Variants in SLIT3 observed in about 807,000 individuals in gnomAD.
The protein encoded by SLIT3 is slit homolog 3 protein.
Under a neutral mutation model 184.0 loss-of-function variants are expected in SLIT3, and 68 were observed. The ratio of observed to expected loss-of-function variants is 0.37; its 90% CI spans 0.30 to 0.45. The LOEUF (loss-of-function observed/expected upper bound fraction) is 0.45, where lower values mean the gene tolerates loss of function less well. SLIT3 is among the 20% of genes least tolerant of loss of function. The probability of loss-of-function intolerance (pLI) is 1.00; values close to 1 mark genes in which losing one functional copy is unlikely to be tolerated. For missense variants in SLIT3, 1,707 were observed against 2,026.0 expected (o/e 0.84, Z 3.02); for synonymous variants, 831 against 828.6 (o/e 1.00, Z -0.05).
chr5:169,167,550 A>C (rs1440745107), intron 4 of SLIT3, among the ~76,000 whole-genome samples: 1 of 151,986 alleles, frequency 6.6e-6, no homozygotes, highest in Non-Finnish European at 1.5e-5. Context: ...TGCTGGGATT[A>C]CAGGCTTGAG....
chr5:169,138,008 T>C (rs138589740), intron 4 of SLIT3, among the ~76,000 whole-genome samples: 6 of 152,188 alleles, frequency 3.9e-5, no homozygotes, highest in African/African-American at 1.4e-4. Flanking sequence ...CCAAAAACTA[T>C]CAAGATAGAT....
At chr5:168,739,599 C>T (rs566196269) in intron 20 of SLIT3, among the ~76,000 whole-genome samples, 108 of 151,802 alleles carry the variant, frequency 7.1e-4, no homozygotes, top group Non-Finnish European at 1.2e-3. Context: ...GGATTACAGG[C>T]GCCCACAACC....
At chr5:168,729,569 A>G (rs1364505357) in intron 20 of SLIT3, among the ~76,000 whole-genome samples, 2 of 152,066 alleles carry the variant, frequency 1.3e-5, no homozygotes, top group African/African-American at 4.8e-5. Context: ...ATTAAGGATA[A>G]AGTCCTTCCC....
intron 4 of SLIT3, among the ~76,000 whole-genome samples, chr5:169,027,808 T>C (rs1756884404): frequency 6.6e-6 from 1 of 152,198 alleles, no homozygotes. Flanking sequence ...TTAAACAGTT[T>C]GACTCCAAAC....
rs1436038811 is a variant in SLIT3 at position 169,213,751 on chromosome 5, AC to A, written c.342-20202del. On this transcript the variant is annotated intron_variant, in intron 3 of 35. Coordinates refer to ENST00000519560, the MANE Select transcript of SLIT3 (RefSeq NM_003062.4). ...GAATATAAATTCCATGTGGGTAAAAACTTTTTTCTCTTCCTACTATATCCCC... is the reference window on the plus strand; with the variant it reads ...GAATATAAATTCCATGTGGGTAAAAATTTTTTCTCTTCCTACTATATCCCC... Among the ~76,000 whole-genome samples the A allele has an allele frequency of 9.8e-5, 15 of 152,310 alleles. No individual in the cohort carries two copies. In the East Asian group the frequency reaches 2.7e-3, roughly 27 times the overall value.
intron 14 of SLIT3, among the ~76,000 whole-genome samples, chr5:168,767,466 C>T (rs1755386863): frequency 6.6e-6 from 1 of 152,172 alleles, no homozygotes; most frequent in South Asian, 2.1e-4. Context: ...ACACACACTC[C>T]CCTCCCCTGA....
intron 4 of SLIT3, among the ~76,000 whole-genome samples, chr5:168,952,640 A>C (rs567305727): frequency 5.8e-4 from 87 of 149,416 alleles, no homozygotes; most frequent in African/African-American, 2.2e-3. Context: ...AGAAGAAAGA[A>C]AGGGCAAGGG....
At chr5:168,842,452 C>T (rs1758292164) in intron 6 of SLIT3, among the ~76,000 whole-genome samples, 2 of 131,486 alleles carry the variant, frequency 1.5e-5, no homozygotes, top group African/African-American at 6.9e-5. Flanking sequence ...CCTGGTGCAT[C>T]TGGATACCGT....
At chr5:169,005,760 C>T (rs1388476738) in intron 4 of SLIT3, among the ~76,000 whole-genome samples, 1 of 152,216 alleles carries the variant, frequency 6.6e-6, no homozygotes, top group Non-Finnish European at 1.5e-5. Flanking sequence ...GCAGGGCAGA[C>T]ATCATACTTG....
chr5:169,041,013 T>A (rs569032911), intron 4 of SLIT3, among the ~76,000 whole-genome samples: 6 of 152,350 alleles, frequency 3.9e-5, no homozygotes, highest in African/African-American at 1.4e-4. Flanking sequence ...TGCAAAAATG[T>A]TCAGCTACCC....
intron 4 of SLIT3, among the ~76,000 whole-genome samples, chr5:169,017,337 G>A (rs80097371): frequency 2.7e-3 from 404 of 152,190 alleles, no homozygotes; most frequent in African/African-American, 9.1e-3. Flanking sequence ...CATCCCCTTC[G>A]ACTCCTTCCC....
At chr5:168,731,655 C>G (rs181873943) in intron 20 of SLIT3, among the ~76,000 whole-genome samples, 1 of 151,948 alleles carries the variant, frequency 6.6e-6, no homozygotes, top group African/African-American at 2.4e-5. Flanking sequence ...CTTCAATATA[C>G]GCAAATCAAT....
chr5:168,808,780 G>C (rs1054548304), intron 8 of SLIT3, among the ~76,000 whole-genome samples: 5 of 152,168 alleles, frequency 3.3e-5, no homozygotes, highest in Admixed American at 1.3e-4. Flanking sequence ...GGTGTGAAAG[G>C]CTCCCATCCC....
chr5:168,827,745 C>T (rs1757750941), intron 6 of SLIT3, among the ~76,000 whole-genome samples: 1 of 152,202 alleles, frequency 6.6e-6, no homozygotes, highest in Non-Finnish European at 1.5e-5. Flanking sequence ...AGGACAAGGG[C>T]TCCCCAGGCG....
rs1491369675 is a variant in SLIT3 at position 168,907,941 on chromosome 5, C to CGT, written c.414-24607_414-24606dup. On this transcript the variant is annotated intron_variant, in intron 4 of 35. Coordinates refer to ENST00000519560, the MANE Select transcript of SLIT3 (RefSeq NM_003062.4). Reference sequence around the variant, plus strand: ...ATATCTATTTTATATATATATTATACGTGTATATATATATATATATATATA... The same window carrying CGT: ...ATATCTATTTTATATATATATTATACGTGTGTATATATATATATATATATATA... Among the ~76,000 whole-genome samples the CGT allele has an allele frequency of 4.5e-3, 197 of 43,414 alleles. 1 individual carries two copies. The highest frequency in any genetic ancestry group is 0.022 in the South Asian group (24 of 1,082). The allele number at this position is 43,414 out of a possible 152,430, so 28.5% of individuals were successfully genotyped here.
At chr5:169,073,309 G>T (rs769175202) in intron 4 of SLIT3, among the ~76,000 whole-genome samples, 112 of 152,140 alleles carry the variant, frequency 7.4e-4, no homozygotes, top group Non-Finnish European at 1.5e-3. Context: ...GGTCCAGTTG[G>T]TCAGTTGGGC....
At chr5:169,195,882 T>A (rs1763725724) in intron 3 of SLIT3, among the ~76,000 whole-genome samples, 1 of 152,074 alleles carries the variant, frequency 6.6e-6, no homozygotes, top group Admixed American at 6.6e-5. Context: ...TGCAGTAAAA[T>A]CACATATCAT....
At chr5:168,942,938 G>T (rs560297692) in intron 4 of SLIT3, among the ~76,000 whole-genome samples, 16 of 152,320 alleles carry the variant, frequency 1.1e-4, no homozygotes, top group African/African-American at 3.8e-4. Context: ...AGTGGGCTAG[G>T]GGGAGGAAGC....
intron 4 of SLIT3, among the ~76,000 whole-genome samples, chr5:169,068,622 A>G (rs902491305): frequency 6.6e-6 from 1 of 152,238 alleles, no homozygotes; most frequent in Non-Finnish European, 1.5e-5. Flanking sequence ...CAGGGTTGAC[A>G]GAAAATTCTT....
Sources: gnomAD v4.1 joint callset for allele counts (sites outside exome capture counted in the v4.1 genomes callset) on GRCh38, gnomAD v4.1.1 for gene constraint, MANE v1.5 for transcripts, NCBI Gene and HGNC (gene_info 2026-07-23, HGNC 2026-07-21) for gene names.